UPP2: variants seen among roughly 807,000 people sequenced by gnomAD.
UPP2 encodes uridine phosphorylase 2.
A neutral mutation model predicts 26.7 loss-of-function variants in UPP2; 23 were observed. The ratio of observed to expected loss-of-function variants is 0.86; its 90% CI spans 0.62 to 1.22. The LOEUF (loss-of-function observed/expected upper bound fraction) is 1.22, where lower values mean the gene tolerates loss of function less well. Ranked by LOEUF, UPP2 falls within the 50% of genes most tolerant of loss-of-function variation. UPP2 has a pLI of 0.00. For synonymous variants in UPP2, 127 were observed against 141.3 expected (o/e 0.90, Z 0.72); for missense variants, 387 against 396.7 (o/e 0.98, Z 0.21).
At chr2:158,130,923 C>A (rs1683805166) in intron 6 of UPP2, among the ~76,000 whole-genome samples, 1 of 152,144 alleles carries the variant, frequency 6.6e-6, no homozygotes, top group Non-Finnish European at 1.5e-5. Flanking sequence ...AGAAACATGA[C>A]TCTAGAAGAA....
At chr2:158,115,943 G>A (rs1203264632) in intron 3 of UPP2, among the ~76,000 whole-genome samples, 3 of 152,158 alleles carry the variant, frequency 2.0e-5, no homozygotes, top group Non-Finnish European at 4.4e-5. Context: ...ACATTTCTGG[G>A]CACTGCAACC....
At chr2:158,096,725 A>G (rs1682992197) in intron 3 of UPP2, among the ~76,000 whole-genome samples, 1 of 152,222 alleles carries the variant, frequency 6.6e-6, no homozygotes, top group Non-Finnish European at 1.5e-5. Flanking sequence ...TATGCCTAAC[A>G]ATAATTTGAT....
chr2:158,086,686 G>A (rs1682823222), intron 3 of UPP2, among the ~76,000 whole-genome samples: 1 of 152,030 alleles, frequency 6.6e-6, no homozygotes, highest in Non-Finnish European at 1.5e-5. Context: ...TTGATAGGTT[G>A]TGTCACTATT....
At chr2:158,019,106 A>G (rs1005616402) in intron 3 of UPP2, among the ~76,000 whole-genome samples, 4 of 152,254 alleles carry the variant, frequency 2.6e-5, no homozygotes, top group Admixed American at 6.5e-5. Flanking sequence ...GTCATAGCCT[A>G]TAATTTGTGT....
At chr2:158,118,954 G>C (rs887570355) in intron 4 of UPP2, among the ~76,000 whole-genome samples, 1 of 152,018 alleles carries the variant, frequency 6.6e-6, no homozygotes, top group Non-Finnish European at 1.5e-5. Flanking sequence ...TTACATCTGG[G>C]AGAAAGTAGG....
chr2:158,063,957 T>C (rs1016252725), intron 3 of UPP2, among the ~76,000 whole-genome samples: 19 of 152,250 alleles, frequency 1.2e-4, no homozygotes, highest in African/African-American at 3.6e-4. Flanking sequence ...TAGTATTCCA[T>C]GGTGTATATG....
intron 6 of UPP2, among the ~76,000 whole-genome samples, chr2:158,132,604 C>G (rs991806598): frequency 6.6e-6 from 1 of 152,130 alleles, no homozygotes; most frequent in African/African-American, 2.4e-5. Flanking sequence ...TGGAGAAACG[C>G]ATGGAGAAAA....
At chr2:158,036,968 G>A (rs1024020915) in intron 3 of UPP2, among the ~76,000 whole-genome samples, 2 of 152,146 alleles carry the variant, frequency 1.3e-5, no homozygotes, top group Non-Finnish European at 2.9e-5. Flanking sequence ...TAGAAAGTCT[G>A]TATGGGGCTG....
At chr2:158,038,109 C>G (rs778142824) in intron 3 of UPP2, among the ~76,000 whole-genome samples, 1 of 152,242 alleles carries the variant, frequency 6.6e-6, no homozygotes, top group Non-Finnish European at 1.5e-5. Context: ...ATTCCATCAT[C>G]AGTCTCCAGA....
At chr2:158,097,626 G>A (rs377458965), upstream of UPP2, among the ~76,000 whole-genome samples, 42 of 152,246 alleles carry the variant, frequency 2.8e-4, no homozygotes, top group African/African-American at 9.9e-4. Context: ...CAAGGATTAG[G>A]GGATGCTGCA....
At chr2:158,074,638 C>T (rs547247740) in intron 3 of UPP2, among the ~76,000 whole-genome samples, 2 of 143,230 alleles carry the variant, frequency 1.4e-5, no homozygotes, top group East Asian at 4.2e-4. Flanking sequence ...AGAAAATCAC[C>T]TTTAGTCAAA....
chr2:158,125,420 CT>C (rs11313905), intron 6 of UPP2, among the ~76,000 whole-genome samples: 26,673 of 142,322 alleles, frequency 0.19, 2,667 homozygotes, highest in African/African-American at 0.3. Flanking sequence ...TTTTTGTACT[CT>C]TTTTTTTTTT....
chr2:158,099,632 C>T (rs1683041852), upstream of UPP2, among the ~76,000 whole-genome samples: 1 of 152,182 alleles, frequency 6.6e-6, no homozygotes, highest in Non-Finnish European at 1.5e-5. Flanking sequence ...CAGGGCTAGT[C>T]TAGCAGGCAG....
At chr2:158,072,380 T>TA (rs1682557277) in intron 3 of UPP2, among the ~76,000 whole-genome samples, 1 of 152,190 alleles carries the variant, frequency 6.6e-6, no homozygotes, top group African/African-American at 2.4e-5. Context: ...AGCATCTCTG[T>TA]ACCTGCCAAG....
At chr2:158,023,147 G>A (rs10204779) in intron 3 of UPP2, among the ~76,000 whole-genome samples, 66,664 of 132,428 alleles carry the variant, frequency 0.5, 18,752 homozygotes, top group Admixed American at 0.66. Context: ...AAGGGCGTGT[G>A]TGAGGATGGG....
chr2:158,089,104 G>T (rs1227592167), intron 3 of UPP2, among the ~76,000 whole-genome samples: 1 of 152,118 alleles, frequency 6.6e-6, no homozygotes, highest in Non-Finnish European at 1.5e-5. Context: ...ACCATCAGGT[G>T]GGGGCAGGGT....
intron 3 of UPP2, among the ~76,000 whole-genome samples, chr2:158,023,965 CATTTCATATGTTAGGT>C (rs1683796028): frequency 6.6e-6 from 1 of 152,172 alleles, no homozygotes; most frequent in East Asian, 1.9e-4. Context: ...GCGTCAAAAG[CATTTCATATGTTAGGT>C]CTCCAGTTTC....
intron 3 of UPP2, among the ~76,000 whole-genome samples, chr2:158,067,082 T>A (rs2105183508): frequency 6.6e-6 from 1 of 151,588 alleles, no homozygotes; most frequent in Admixed American, 6.5e-5. Flanking sequence ...TCCTAACCAT[T>A]CTTGCAAAAA....
At chr2:158,017,451 T>C (rs1366585391) in intron 3 of UPP2, among the ~76,000 whole-genome samples, 2 of 152,144 alleles carry the variant, frequency 1.3e-5, no homozygotes, top group African/African-American at 4.8e-5. Flanking sequence ...GGGATGCATC[T>C]TGAAATGGCT....
Sources: allele counts gnomAD v4.1 joint callset (sites outside exome capture counted in the v4.1 genomes callset), GRCh38; gene constraint gnomAD v4.1.1; transcripts MANE v1.5; gene names NCBI Gene and HGNC (gene_info 2026-07-23, HGNC 2026-07-21).